ZCWPW2: variants seen among roughly 807,000 people sequenced by gnomAD.
ZCWPW2 encodes the protein zinc finger CW-type and PWWP domain containing 2.
ZCWPW2 carries 45 observed loss-of-function variants against 46.6 expected under a neutral mutation model. The ratio of observed to expected loss-of-function variants is 0.96; its 90% CI spans 0.76 to 1.24. The LOEUF (loss-of-function observed/expected upper bound fraction) is 1.24, where lower values mean the gene tolerates loss of function less well. Ranked by LOEUF, ZCWPW2 falls within the 50% of genes most tolerant of loss-of-function variation. The pLI is 0.00. For synonymous variants in ZCWPW2, 152 were observed against 137.1 expected, an observed-to-expected ratio of 1.11 and a Z score of -0.76; for missense variants, 429 against 403.9, an observed-to-expected ratio of 1.06 and a Z score of -0.53.
chr3:28,430,072 G>A (rs1697188023), intron 3 of ZCWPW2, among the ~76,000 whole-genome samples: 1 of 152,144 alleles, frequency 6.6e-6, no homozygotes, highest in Admixed American at 6.5e-5. Flanking sequence ...GTGAGAAGAG[G>A]GCCATCTTCT....
At chr3:28,355,139 G>A (rs1038569490) in intron 1 of ZCWPW2, among the ~76,000 whole-genome samples, 1 of 152,182 alleles carries the variant, frequency 6.6e-6, no homozygotes, top group African/African-American at 2.4e-5. Flanking sequence ...TAAGCTGATA[G>A]GCAACTTCAG....
chr3:28,375,230 G>T (rs1705464682), intron 1 of ZCWPW2, among the ~76,000 whole-genome samples: 1 of 151,144 alleles, frequency 6.6e-6, no homozygotes, highest in African/African-American at 2.4e-5. Context: ...CTTTGTCTAT[G>T]TGTCTTGATA....
intron 6 of ZCWPW2, among the ~76,000 whole-genome samples, chr3:28,501,982 C>T (rs1472133426): frequency 6.6e-6 from 1 of 152,028 alleles, no homozygotes; most frequent in Admixed American, 6.6e-5. Flanking sequence ...CTTGGCCTCC[C>T]GTAGTGCTGG....
At chr3:28,370,691 T>C (rs1310272266) in intron 1 of ZCWPW2, among the ~76,000 whole-genome samples, 2 of 152,212 alleles carry the variant, frequency 1.3e-5, no homozygotes, top group Non-Finnish European at 2.9e-5. Context: ...CATGCAGTTA[T>C]AATTCATGAA....
At chr3:28,447,877 A>C (rs2125776285) in intron 4 of ZCWPW2, 1 of 989,000 alleles carries the variant, frequency 1.0e-6, no homozygotes, top group African/African-American at 1.6e-5. Context: ...GTGCCCAGGC[A>C]GACTTAGAGG....
intron 4 of ZCWPW2, among the ~76,000 whole-genome samples, chr3:28,458,564 A>G (rs748780954): frequency 6.6e-6 from 1 of 152,210 alleles, no homozygotes; most frequent in Non-Finnish European, 1.5e-5. Context: ...GAGGTTACAC[A>G]GCAGCAGAAC....
At chr3:28,457,180 T>A (rs1030701780) in intron 4 of ZCWPW2, among the ~76,000 whole-genome samples, 3 of 152,178 alleles carry the variant, frequency 2.0e-5, no homozygotes, top group African/African-American at 7.2e-5. Context: ...AAACTAGTTT[T>A]GAAAATAAAT....
chr3:28,434,794 T>C (rs1160272480), intron 3 of ZCWPW2, among the ~76,000 whole-genome samples: 2 of 152,320 alleles, frequency 1.3e-5, no homozygotes, highest in East Asian at 3.9e-4. Context: ...TCTTTTTTTT[T>C]CTCTTATCTT....
At chr3:28,358,464 C>G (rs552078283) in intron 1 of ZCWPW2, among the ~76,000 whole-genome samples, 2 of 152,122 alleles carry the variant, frequency 1.3e-5, no homozygotes, top group African/African-American at 4.8e-5. Context: ...TTGTCAAATT[C>G]TCAGAGAATT....
chr3:28,375,784 T>TC (rs1253597086), intron 1 of ZCWPW2, among the ~76,000 whole-genome samples: 13 of 151,288 alleles, frequency 8.6e-5, no homozygotes, highest in African/African-American at 2.9e-4. Context: ...TCCCCTACCA[T>TC]CCCCCGTCTA....
chr3:28,491,367 A>C (rs1278918042), intron 5 of ZCWPW2, among the ~76,000 whole-genome samples: 3 of 152,140 alleles, frequency 2.0e-5, no homozygotes, highest in African/African-American at 7.2e-5. Flanking sequence ...ACACACATAC[A>C]TACTTTAGCA....
chr3:28,398,710 G>A (rs571467901), intron 2 of ZCWPW2, among the ~76,000 whole-genome samples: 12 of 152,268 alleles, frequency 7.9e-5, no homozygotes, highest in East Asian at 3.9e-4. Flanking sequence ...AGGAGATGCC[G>A]TCCTTACCTG....
At chr3:28,445,767 C>A (rs1009042916) in intron 4 of ZCWPW2, among the ~76,000 whole-genome samples, 3 of 152,068 alleles carry the variant, frequency 2.0e-5, no homozygotes, top group South Asian at 2.1e-4. Context: ...AAGACACGAT[C>A]TTACTATCTG....
intron 3 of ZCWPW2, among the ~76,000 whole-genome samples, chr3:28,431,543 A>G (rs1697259232): frequency 6.6e-6 from 1 of 152,116 alleles, no homozygotes; most frequent in South Asian, 2.1e-4. Flanking sequence ...TACCCTAATG[A>G]ACTCATTTTA....
In ZCWPW2 at chr3:28,390,580, A is replaced by G. The variant is rs1695447360; in HGVS notation, c.-51A>G. 1.0e-6 allele frequency: 1 copy of G among 985,224 alleles called. No homozygotes were observed. Among genetic ancestry groups the G allele is most frequent in the Admixed American group, 6.2e-5 (1 of 16,246 alleles). 61.0% of individuals were successfully genotyped at this position (985,224 alleles called of 1,614,324 possible). On this transcript the variant is annotated 5_prime_UTR_variant, in exon 2 of 10. An upstream start codon of the reference 5' UTR is lost. Coordinates refer to ENST00000383768, the MANE Select transcript of ZCWPW2 (RefSeq NM_001040432.4). ...TGGAGTTTTGGAGTCTATTTTCTTC[A>G]TGGAATTTTGCTAGGAACAAAAGAA...
At chr3:28,458,134 G>A (rs766577549) in intron 4 of ZCWPW2, among the ~76,000 whole-genome samples, 3 of 152,072 alleles carry the variant, frequency 2.0e-5, no homozygotes, top group African/African-American at 2.4e-5. Context: ...AAACAATATC[G>A]TTTTGTAGCA....
chr3:28,474,634 C>A (rs766422670), intron 4 of ZCWPW2, among the ~76,000 whole-genome samples: 1 of 150,822 alleles, frequency 6.6e-6, no homozygotes, highest in South Asian at 2.1e-4. Context: ...CGCGCGCGCG[C>A]GCGCACATGC....
Position 28,390,526 on chromosome 3 carries a change from T to C in ZCWPW2, c.-105T>C. ...CATCCCAGTAGAACGCCTGCCTCTT[T>C]AGTGACTACAGACCTCACTTCCCTT... On this transcript the variant is annotated 5_prime_UTR_variant, in exon 2 of 10. The change abolishes the stop of an existing upstream ORF in the 5' untranslated region. Coordinates refer to ENST00000383768, the MANE Select transcript of ZCWPW2 (RefSeq NM_001040432.4). 2 of 985,390 alleles carry C rather than the reference T, an allele frequency of 2.0e-6. No homozygotes were observed. The highest frequency in any genetic ancestry group is 1.7e-5 in the African/African-American group (1 of 57,368). 61.0% of individuals were successfully genotyped at this position (985,390 alleles called of 1,614,324 possible).
chr3:28,369,952 G>A (rs1332480856), intron 1 of ZCWPW2, among the ~76,000 whole-genome samples: 5 of 152,168 alleles, frequency 3.3e-5, no homozygotes, highest in African/African-American at 7.2e-5. Flanking sequence ...AGGACCCTCC[G>A]AGCCAGGCAC....
Sources: gnomAD v4.1 joint callset for allele counts (sites outside exome capture counted in the v4.1 genomes callset) on GRCh38, gnomAD v4.1.1 for gene constraint, MANE v1.5 for transcripts, NCBI Gene and HGNC (gene_info 2026-07-23, HGNC 2026-07-21) for gene names.